Variants in PCCA observed in about 807,000 individuals in gnomAD.
The protein encoded by PCCA is propionyl-CoA carboxylase alpha chain, mitochondrial.
Under a neutral mutation model 101.3 loss-of-function variants are expected in PCCA, and 74 were observed. The ratio of observed to expected loss-of-function variants is 0.73; its 90% CI spans 0.61 to 0.89. PCCA has a LOEUF of 0.89. PCCA is among the 40% of genes least tolerant of loss of function. The probability of loss-of-function intolerance (pLI) is 0.00; values close to 1 mark genes in which losing one functional copy is unlikely to be tolerated. For synonymous variants in PCCA, 294 were observed against 313.6 expected, an observed-to-expected ratio of 0.94 and a Z score of 0.66; for missense variants, 891 against 907.0, an observed-to-expected ratio of 0.98 and a Z score of 0.23.
intron 4 of PCCA, chr13:100,150,502 G>T: frequency 7.6e-7 from 1 of 1,312,324 alleles, no homozygotes. Flanking sequence ...GGTGGAGCGG[G>T]AGAGTATTGC....
Position 100,509,821 on chromosome 13 carries a change from T to A in PCCA, c.1900-5606T>A, listed in dbSNP as rs200304068. 7.0e-5 allele frequency among the ~76,000 whole-genome samples: 5 copies of A among 71,620 alleles called. No individual in the cohort carries two copies. The Admixed American group carries it at 7.4e-4, about 11-fold the overall frequency. The allele number at this position is 71,620 out of a possible 152,430, so 47.0% of individuals were successfully genotyped here. ...GTGGTGGTGTGGGTTTTTTGTTTTG[T>A]GTTTTTTTTGTTTTGTTTTGTTTTG... On this transcript the variant is annotated intron_variant, in intron 21 of 23. Coordinates refer to ENST00000376285, the MANE Select transcript of PCCA (RefSeq NM_000282.4).
chr13:100,471,779 C>G (rs896281621), intron 21 of PCCA, among the ~76,000 whole-genome samples: 1 of 152,200 alleles, frequency 6.6e-6, no homozygotes, highest in Non-Finnish European at 1.5e-5. Context: ...GCAGACACAA[C>G]ACAGGTGAGC....
intron 19 of PCCA, among the ~76,000 whole-genome samples, chr13:100,411,743 A>G (rs1242395550): frequency 6.6e-6 from 1 of 152,128 alleles, no homozygotes; most frequent in Non-Finnish European, 1.5e-5. Context: ...GTGTTCATTC[A>G]TGGCTGAGAG....
intron 10 of PCCA, among the ~76,000 whole-genome samples, chr13:100,265,839 G>A (rs202057526): frequency 2.7e-5 from 4 of 150,894 alleles, no homozygotes; most frequent in Non-Finnish European, 3.0e-5. Context: ...TTATGTACAA[G>A]AAAAAAAAAT....
At chr13:100,343,128 G>A (rs948080416) in intron 18 of PCCA, among the ~76,000 whole-genome samples, 13 of 152,132 alleles carry the variant, frequency 8.5e-5, no homozygotes, top group African/African-American at 2.7e-4. Context: ...CCCAGGAGGC[G>A]GAGGTTGCAG....
intron 6 of PCCA, among the ~76,000 whole-genome samples, chr13:100,168,124 C>T (rs1331248819): frequency 2.0e-5 from 3 of 152,154 alleles, no homozygotes; most frequent in African/African-American, 4.8e-5. Flanking sequence ...TGAATCTCAA[C>T]CTGAGAGATT....
At chr13:100,374,489 A>G (rs879867132) in intron 19 of PCCA, among the ~76,000 whole-genome samples, 1 of 152,150 alleles carries the variant, frequency 6.6e-6, no homozygotes, top group Non-Finnish European at 1.5e-5. Flanking sequence ...TTGGCCAGGT[A>G]CAGTGGTGCG....
intron 21 of PCCA, among the ~76,000 whole-genome samples, chr13:100,510,845 C>G (rs917618102): frequency 6.6e-6 from 1 of 152,218 alleles, no homozygotes; most frequent in East Asian, 1.9e-4. Context: ...ACAGGCTGCT[C>G]CAGCGACTGC....
At chr13:100,321,578 C>T (rs180975352) in intron 16 of PCCA, among the ~76,000 whole-genome samples, 9 of 118,044 alleles carry the variant, frequency 7.6e-5, no homozygotes, top group Admixed American at 9.4e-5. Context: ...CATGGGCATG[C>T]GCTATAGAAG....
intron 21 of PCCA, chr13:100,480,510 C>G (rs1003010696): frequency 1.1e-4 from 17 of 152,238 alleles, no homozygotes; most frequent in African/African-American, 3.6e-4. Context: ...ATAGCCTGGT[C>G]TCTGCTTTCT....
chr13:100,301,690 G>A (rs2152684258), intron 13 of PCCA, 87 bp downstream of exon 13: 1 of 1,464,056 alleles, frequency 6.8e-7, no homozygotes, highest in Non-Finnish European at 9.6e-7. Context: ...GTAAAGTTAG[G>A]GTTTTATAAT....
intron 19 of PCCA, among the ~76,000 whole-genome samples, chr13:100,404,177 A>C (rs565697932): frequency 6.6e-6 from 1 of 152,184 alleles, no homozygotes; most frequent in Non-Finnish European, 1.5e-5. Context: ...GAAAACATGT[A>C]TCAAAAGGAA....
rs144088553 is a variant in PCCA at position 100,413,009 on chromosome 13, T to C, written c.1747-12624T>C. 5.0e-4 allele frequency among the ~76,000 whole-genome samples: 76 copies of C among 152,340 alleles called. 1 individual carries two copies. Among genetic ancestry groups the C allele is most frequent in the African/African-American group, 1.8e-3 (74 of 41,590 alleles). ...ATGTAAAATATAATTAATATTTTAGTATGTACATATTAGGAATAATGTCAC... is the reference window on the plus strand; with the variant it reads ...ATGTAAAATATAATTAATATTTTAGCATGTACATATTAGGAATAATGTCAC... On this transcript the variant is annotated intron_variant, in intron 19 of 23. Coordinates refer to ENST00000376285, the MANE Select transcript of PCCA (RefSeq NM_000282.4).
At chr13:100,246,588 A>G (rs2061440738) in intron 8 of PCCA, among the ~76,000 whole-genome samples, 1 of 152,086 alleles carries the variant, frequency 6.6e-6, no homozygotes, top group Non-Finnish European at 1.5e-5. Flanking sequence ...TTGGCCTCCC[A>G]AAGTGCTAGA....
At chr13:100,315,875 C>A (rs944157999) in intron 16 of PCCA, among the ~76,000 whole-genome samples, 1 of 152,150 alleles carries the variant, frequency 6.6e-6, no homozygotes, top group Non-Finnish European at 1.5e-5. Flanking sequence ...AACTAACTCT[C>A]AAAGAATACC....
intron 21 of PCCA, among the ~76,000 whole-genome samples, chr13:100,485,225 C>T (rs759717510): frequency 2.6e-5 from 4 of 152,176 alleles, no homozygotes; most frequent in Admixed American, 6.5e-5. Context: ...TGGATTGGGC[C>T]TGTGTTTCTC....
chr13:100,426,245 A>G (rs2079141210), intron 20 of PCCA, among the ~76,000 whole-genome samples: 1 of 152,160 alleles, frequency 6.6e-6, no homozygotes, highest in Non-Finnish European at 1.5e-5. Flanking sequence ...TGGAACCCAG[A>G]GTCGATAGAA....
At chr13:100,290,368 C>T (rs556019719) in intron 12 of PCCA, among the ~76,000 whole-genome samples, 20 of 152,114 alleles carry the variant, frequency 1.3e-4, no homozygotes, top group Admixed American at 4.6e-4. Context: ...CATGCTGCCA[C>T]GCCTGGCTAA....
chr13:100,269,314 A>G (rs1268513185), intron 11 of PCCA, among the ~76,000 whole-genome samples: 1 of 152,194 alleles, frequency 6.6e-6, no homozygotes, highest in Admixed American at 6.5e-5. Context: ...TTTTTATTAG[A>G]GGAGAAAGTT....
Sources: gnomAD v4.1 joint callset for allele counts (sites outside exome capture counted in the v4.1 genomes callset) on GRCh38, gnomAD v4.1.1 for gene constraint, MANE v1.5 for transcripts, NCBI Gene and HGNC (gene_info 2026-07-23, HGNC 2026-07-21) for gene names.